PMFBP1: variants seen among roughly 807,000 people sequenced by gnomAD.
The protein encoded by PMFBP1 is polyamine-modulated factor 1-binding protein 1.
PMFBP1 carries 131 observed loss-of-function variants against 137.8 expected under a neutral mutation model. The ratio of observed to expected loss-of-function variants is 0.95; its 90% confidence interval spans 0.82 to 1.10. PMFBP1 has a LOEUF of 1.10. PMFBP1 is among the 50% of genes least tolerant of loss of function. The pLI is 0.00. For synonymous variants in PMFBP1, 490 were observed against 450.4 expected (o/e 1.09, Z -1.11); for missense variants, 1,199 against 1,175.4 (o/e 1.02, Z -0.29).
chr16:72,211,690 G>C, the PMFBP1 span, among the ~76,000 whole-genome samples: 2 of 152,146 alleles, frequency 1.3e-5, no homozygotes, highest in Non-Finnish European at 2.9e-5. Flanking sequence ...AGAATTCTTA[G>C]AATTTAAAAA....
chr16:72,137,140 T>C (rs2042644633), intron 7 of PMFBP1, among the ~76,000 whole-genome samples: 1 of 152,202 alleles, frequency 6.6e-6, no homozygotes, highest in Non-Finnish European at 1.5e-5. Flanking sequence ...AAAAGGATAT[T>C]GCAGACTTCT....
chr16:72,214,056 C>A, the PMFBP1 span, among the ~76,000 whole-genome samples: 1 of 151,996 alleles, frequency 6.6e-6, no homozygotes, highest in South Asian at 2.1e-4. Context: ...AAAAAAATTA[C>A]CAGTATAAAT....
At chr16:72,237,374 T>G in the PMFBP1 span, among the ~76,000 whole-genome samples, 1 of 152,136 alleles carries the variant, frequency 6.6e-6, no homozygotes, top group African/African-American at 2.4e-5. Context: ...TGCTTTCCAC[T>G]AGGGTTTGGC....
chr16:72,188,568 G>C, the PMFBP1 span, among the ~76,000 whole-genome samples: 1 of 152,046 alleles, frequency 6.6e-6, no homozygotes, highest in African/African-American at 2.4e-5. Flanking sequence ...AGCTCATAAA[G>C]TACACACAGA....
rs1291658631 is a variant in PMFBP1, at chr16:72,123,558, G to C, written c.2681C>G (p.Ala894Gly). ...DQIMTNLEQWAKQQKVANEKL... is the reference protein window; with the variant it reads ...DQIMTNLEQWGKQQKVANEKL... ...CTCCCATACTCACTTCTGCTGTTTT[G>C]CCCATTGCTCCAAGTTGGTCATAAT... The change falls in exon 18 of 21, where the codon GCA becomes GGA. Residue 894 changes from alanine (A) to glycine (G), a missense_variant. Ala to Gly is a moderately conservative substitution (Grantham distance 60). Coordinates refer to ENST00000237353, the MANE Select transcript of PMFBP1 (RefSeq NM_031293.3). The C allele has an allele frequency of 1.2e-6, 2 of 1,613,804 alleles. No homozygotes were observed. Among genetic ancestry groups the C allele is most frequent in the Non-Finnish European group, 1.7e-6 (2 of 1,179,910 alleles).
the PMFBP1 span, among the ~76,000 whole-genome samples, chr16:72,203,468 T>TC: frequency 2.6e-5 from 4 of 152,214 alleles, no homozygotes; most frequent in Admixed American, 6.5e-5. Context: ...GATGCGTTTG[T>TC]CCCTGGGTCT....
At chr16:72,131,029 G>T (rs2042542157) in intron 10 of PMFBP1, among the ~76,000 whole-genome samples, 1 of 152,148 alleles carries the variant, frequency 6.6e-6, no homozygotes, top group South Asian at 2.1e-4. Flanking sequence ...GCTCCTGAGG[G>T]AGGCTTACTG....
intron 7 of PMFBP1, among the ~76,000 whole-genome samples, chr16:72,137,851 C>T (rs377046811): frequency 1.5e-3 from 228 of 152,220 alleles, no homozygotes; most frequent in African/African-American, 2.2e-3. Context: ...GGGAGGGCAG[C>T]AGCAGGAAGC....
upstream of PMFBP1, among the ~76,000 whole-genome samples, chr16:72,177,082 C>T (rs1369978884): frequency 6.6e-6 from 1 of 152,182 alleles, no homozygotes; most frequent in Admixed American, 6.5e-5. Flanking sequence ...TACTCCCATG[C>T]CATTTTGGAA....
the PMFBP1 span, among the ~76,000 whole-genome samples, chr16:72,228,383 T>C: frequency 6.6e-6 from 1 of 152,218 alleles, no homozygotes; most frequent in Non-Finnish European, 1.5e-5. Flanking sequence ...TGCTTTTGCC[T>C]GGAATGTTCT....
chr16:72,171,469 T>A lies in PMFBP1; in HGVS notation c.-60-201A>T. 1.0e-5 allele frequency: 5 copies of A among 479,538 alleles called. No homozygotes were observed. The South Asian group carries it at 1.4e-4, about 13-fold the overall frequency. The allele number at this position is 479,538 out of a possible 1,614,324, so 29.7% of individuals were successfully genotyped here. ...CAGATGGCAGGACCATGGTTTTACATCTTTTCCAGAAAACCACTACTTGGT... is the reference window on the plus strand; with the variant it reads ...CAGATGGCAGGACCATGGTTTTACAACTTTTCCAGAAAACCACTACTTGGT... On this transcript the variant is annotated intron_variant, in intron 1 of 20. Coordinates refer to ENST00000237353, the MANE Select transcript of PMFBP1 (RefSeq NM_031293.3).
intron 9 of PMFBP1, among the ~76,000 whole-genome samples, chr16:72,136,197 A>G (rs1213148707): frequency 6.6e-6 from 1 of 152,142 alleles, no homozygotes; most frequent in Non-Finnish European, 1.5e-5. Flanking sequence ...TGCTCTTGCT[A>G]CCTTGCGGGG....
chr16:72,234,274 G>C, the PMFBP1 span, among the ~76,000 whole-genome samples: 1 of 152,164 alleles, frequency 6.6e-6, no homozygotes, highest in African/African-American at 2.4e-5. Flanking sequence ...CAAACAGATG[G>C]AGAGAACAAA....
chr16:72,147,184 C>A (rs1045150560), intron 5 of PMFBP1, among the ~76,000 whole-genome samples: 2 of 152,094 alleles, frequency 1.3e-5, no homozygotes, highest in African/African-American at 4.8e-5. Flanking sequence ...ATATATAGAC[C>A]AATGGAACAG....
the PMFBP1 span, among the ~76,000 whole-genome samples, chr16:72,184,603 C>T: frequency 6.6e-6 from 1 of 152,160 alleles, no homozygotes. Context: ...AATAAACTTG[C>T]CCAAGATCAC....
chr16:72,120,244 A>C (rs2042357772), intron 19 of PMFBP1, 155 bp from the exon 20 acceptor site: 1 of 1,270,922 alleles, frequency 7.9e-7, no homozygotes, highest in Non-Finnish European at 1.1e-6. Context: ...TAGAAATGGA[A>C]GCCTACGTGT....
At chr16:72,237,559 T>A in the PMFBP1 span, among the ~76,000 whole-genome samples, 6,748 of 152,240 alleles carry the variant, frequency 0.044, 706 homozygotes, top group East Asian at 0.31. Context: ...AATTTCTTTT[T>A]AAAAAATTTT....
chr16:72,206,793 T>G, the PMFBP1 span, among the ~76,000 whole-genome samples: 1 of 152,204 alleles, frequency 6.6e-6, no homozygotes, highest in Non-Finnish European at 1.5e-5. Flanking sequence ...CAAAGGAGGC[T>G]AGGAAATGCT....
At chr16:72,121,919 G>T (rs217175) in intron 19 of PMFBP1, among the ~76,000 whole-genome samples, 152,358 of 152,358 alleles carry the variant, frequency 1, 76,179 homozygotes, top group Non-Finnish European at 1. Flanking sequence ...TTCACTTTTA[G>T]TTTAGATTCA....
Sources: allele counts gnomAD v4.1 joint callset (sites outside exome capture counted in the v4.1 genomes callset), GRCh38; gene constraint gnomAD v4.1.1; transcripts MANE v1.5; gene names NCBI Gene and HGNC (gene_info 2026-07-23, HGNC 2026-07-21).